The following CRYBG1 variants were observed in gnomAD, a reference collection of about 807,000 sequenced individuals.
The protein encoded by CRYBG1 is crystallin beta-gamma domain containing 1.
Under a neutral mutation model 189.2 loss-of-function variants are expected in CRYBG1, and 139 were observed. That is an observed-to-expected ratio of 0.73 (90% CI 0.64 to 0.85). The LOEUF (loss-of-function observed/expected upper bound fraction) is 0.85, where lower values mean the gene tolerates loss of function less well. Among genes scored for constraint, CRYBG1 ranks in the 40% least tolerant of loss-of-function variants. The pLI is 0.00. For missense variants in CRYBG1, 2,611 were observed against 2,675.8 expected (o/e 0.98, Z 0.53); for synonymous variants, 1,023 against 1,017.1 (o/e 1.01, Z -0.11).
At chr6:106,506,724 A>C (rs1368224352) in intron 2 of CRYBG1, among the ~76,000 whole-genome samples, 1 of 152,122 alleles carries the variant, frequency 6.6e-6, no homozygotes, top group Non-Finnish European at 1.5e-5. Context: ...AAATGCTGGG[A>C]TTACAGGTGT....
intron 8 of CRYBG1, among the ~76,000 whole-genome samples, chr6:106,535,435 T>C (rs1014842626): frequency 6.6e-6 from 1 of 152,224 alleles, no homozygotes; most frequent in Non-Finnish European, 1.5e-5. Flanking sequence ...TTGTGTTATT[T>C]TTCTGAGCAC....
At chr6:106,558,818 C>G (rs2114595019) in intron 18 of CRYBG1, among the ~76,000 whole-genome samples, 193 bp downstream of exon 18, 1 of 152,244 alleles carries the variant, frequency 6.6e-6, no homozygotes, top group East Asian at 1.9e-4. Context: ...TAAAAATTAG[C>G]CAGGTGTCGT....
intron 2 of CRYBG1, among the ~76,000 whole-genome samples, chr6:106,453,415 AAAATT>A (rs1771821550): frequency 6.6e-6 from 1 of 152,212 alleles, no homozygotes; most frequent in Non-Finnish European, 1.5e-5. Flanking sequence ...TTAAATTTAA[AAAATT>A]AAGTAAACTG....
In CRYBG1 at chr6:106,536,701, G is replaced by A. The variant is rs1259298873; in HGVS notation, c.4719-2702G>A. 2.0e-5 allele frequency among the ~76,000 whole-genome samples: 3 copies of A among 152,146 alleles called. No individual in the cohort carries two copies. The South Asian group carries it at 6.2e-4, about 31-fold the overall frequency. On this transcript the variant is annotated intron_variant, in intron 8 of 21. Transcript: ENST00000633556. ...AATATTCATTTGTAGGTATACATTT[G>A]TTTGTTTAAAAAATAAGCTTGGGCT...
At chr6:106,378,055 G>A (rs1770206135) in intron 1 of CRYBG1, among the ~76,000 whole-genome samples, 1 of 152,128 alleles carries the variant, frequency 6.6e-6, no homozygotes, top group Non-Finnish European at 1.5e-5. Context: ...TGGCTCCCTT[G>A]AAGCCATGTA....
At position 106,512,512 on chromosome 6, in the gene CRYBG1, G is replaced by T; in HGVS notation, c.1395G>T (p.Lys465Asn). The change falls in exon 3 of 22, where the codon AAG (lysine) becomes AAT (asparagine). Residue 465 changes from lysine to asparagine, a missense_variant. Physicochemically the swap from Lys to Asn is moderately conservative, Grantham distance 94. Transcript: ENST00000633556. ...NAASDNASAE[K>N]KVKSPRAALD... Reference sequence around the variant, plus strand: ...CCAGCGATAACGCCTCGGCGGAAAAGAAAGTGAAATCTCCGCGGGCAGCCC... The same window carrying T: ...CCAGCGATAACGCCTCGGCGGAAAATAAAGTGAAATCTCCGCGGGCAGCCC... 6.2e-7 allele frequency: 1 copy of T among 1,610,958 alleles called. No homozygotes were observed. Among genetic ancestry groups the T allele is most frequent in the Non-Finnish European group, 8.5e-7 (1 of 1,179,084 alleles).
At chr6:106,421,269 G>A (rs959337057) in intron 1 of CRYBG1, among the ~76,000 whole-genome samples, 1 of 152,216 alleles carries the variant, frequency 6.6e-6, no homozygotes, top group African/African-American at 2.4e-5. Context: ...AGAATGGAGG[G>A]AGAACCATGA....
At chr6:106,363,106 T>C (rs552883405) in intron 1 of CRYBG1, among the ~76,000 whole-genome samples, 16 of 150,922 alleles carry the variant, frequency 1.1e-4, no homozygotes, top group Admixed American at 1.1e-3. Flanking sequence ...TAGCCGGGCA[T>C]GGTGGCGCGC....
intron 2 of CRYBG1, among the ~76,000 whole-genome samples, chr6:106,494,583 T>G (rs577398725): frequency 6.6e-6 from 1 of 152,306 alleles, no homozygotes; most frequent in African/African-American, 2.4e-5. Context: ...GATAGTAGTG[T>G]CATTATTTTG....
chr6:106,532,628 T>G (rs1488948486), intron 8 of CRYBG1, among the ~76,000 whole-genome samples: 1 of 152,214 alleles, frequency 6.6e-6, no homozygotes, highest in East Asian at 1.9e-4. Flanking sequence ...TATCTCATTG[T>G]GGTTTTGATT....
intron 8 of CRYBG1, among the ~76,000 whole-genome samples, chr6:106,532,091 T>A (rs1773885901): frequency 1.3e-5 from 2 of 152,214 alleles, no homozygotes; most frequent in Admixed American, 1.3e-4. Context: ...TTGATACCTG[T>A]ATACATTGCA....
intron 13 of CRYBG1, 127 bp downstream of exon 13, chr6:106,545,060 G>C: frequency 5.4e-6 from 4 of 742,708 alleles, no homozygotes; most frequent in Non-Finnish European, 8.4e-6. Flanking sequence ...CATTAAATCA[G>C]TCATTTAATA....
Position 106,428,444 on chromosome 6 carries a change from G to A in CRYBG1, c.174-23250G>A, listed in dbSNP as rs753564022. On this transcript the variant is annotated intron_variant, in intron 1 of 21. Coordinates refer to ENST00000633556, the MANE Select transcript of CRYBG1 (RefSeq NM_001371242.2). ...AGATCTGCTATATTTTCTTTGGAACGTTGAAGGCAGTATACTCATGTGATA... is the reference window on the plus strand; with the variant it reads ...AGATCTGCTATATTTTCTTTGGAACATTGAAGGCAGTATACTCATGTGATA... 1.2e-4 allele frequency among the ~76,000 whole-genome samples: 18 copies of A among 151,790 alleles called. 1 individual carries two copies. The highest frequency in any genetic ancestry group is 3.9e-4 in the African/African-American group (16 of 41,286).
chr6:106,559,661 C>A (rs2114596075), intron 18 of CRYBG1, among the ~76,000 whole-genome samples: 1 of 152,146 alleles, frequency 6.6e-6, no homozygotes, highest in African/African-American at 2.4e-5. Context: ...GGTGGGGCCC[C>A]TGTAATCCCA....
chr6:106,446,060 C>G (rs1268235379), intron 1 of CRYBG1, among the ~76,000 whole-genome samples: 1 of 152,070 alleles, frequency 6.6e-6, no homozygotes, highest in Admixed American at 6.6e-5. Flanking sequence ...AACAATGTCT[C>G]TTCAAATCTG....
At chr6:106,515,649 A>G (rs1054687139) in intron 3 of CRYBG1, among the ~76,000 whole-genome samples, 1 of 152,118 alleles carries the variant, frequency 6.6e-6, no homozygotes, top group Non-Finnish European at 1.5e-5. Context: ...CTTATAAATT[A>G]ATTTTCCTTT....
intron 1 of CRYBG1, among the ~76,000 whole-genome samples, chr6:106,378,964 C>A (rs758359785): frequency 6.6e-6 from 1 of 151,934 alleles, no homozygotes; most frequent in Non-Finnish European, 1.5e-5. Context: ...GGCCAAAAAA[C>A]GGTGAAACCC....
At chr6:106,509,032 G>T (rs765980896) in intron 2 of CRYBG1, among the ~76,000 whole-genome samples, 6 of 152,198 alleles carry the variant, frequency 3.9e-5, no homozygotes, top group Non-Finnish European at 8.8e-5. Flanking sequence ...TGGCAGGACA[G>T]AGTAATACAT....
intron 1 of CRYBG1, among the ~76,000 whole-genome samples, chr6:106,430,291 G>A (rs535334446): frequency 1.3e-5 from 2 of 152,220 alleles, no homozygotes; most frequent in South Asian, 2.1e-4. Context: ...AAATTAGCTG[G>A]ATGCAGTGGC....
Sources: gnomAD v4.1 joint callset for allele counts (sites outside exome capture counted in the v4.1 genomes callset) on GRCh38, gnomAD v4.1.1 for gene constraint, MANE v1.5 for transcripts, NCBI Gene and HGNC (gene_info 2026-07-23, HGNC 2026-07-21) for gene names.